COP1: variants seen among roughly 807,000 people sequenced by gnomAD.
The protein encoded by COP1 is E3 ubiquitin-protein ligase COP1.
COP1 carries 24 observed loss-of-function variants against 101.3 expected under a neutral mutation model. The ratio of observed to expected loss-of-function variants is 0.24; its 90% CI spans 0.17 to 0.33. COP1 has a LOEUF of 0.33. COP1 is among the 10% of genes least tolerant of loss of function. The probability of loss-of-function intolerance (pLI) is 1.00; values close to 1 mark genes in which losing one functional copy is unlikely to be tolerated. For synonymous variants in COP1, 347 were observed against 341.9 expected, an observed-to-expected ratio of 1.01 and a Z score of -0.17; for missense variants, 663 against 906.2, an observed-to-expected ratio of 0.73 and a Z score of 3.45.
At chr1:176,095,995 C>G (rs898671863) in intron 9 of COP1, among the ~76,000 whole-genome samples, 1 of 152,166 alleles carries the variant, frequency 6.6e-6, no homozygotes, top group African/African-American at 2.4e-5. Flanking sequence ...GAAGTATGCA[C>G]TGTACTTTAT....
chr1:176,132,622 TAC>T (rs1378168516), intron 8 of COP1, among the ~76,000 whole-genome samples: 3 of 78,856 alleles, frequency 3.8e-5, no homozygotes, highest in South Asian at 4.9e-4. Flanking sequence ...ATACTATATA[TAC>T]ACACATATAC....
intron 8 of COP1, among the ~76,000 whole-genome samples, chr1:176,119,241 A>G (rs1420854517): frequency 6.6e-6 from 1 of 152,190 alleles, no homozygotes; most frequent in Non-Finnish European, 1.5e-5. Flanking sequence ...TCTTCCTACT[A>G]ATGAAACTCA....
chr1:175,951,437 A>AATATATATATATATAT (rs765055146), intron 18 of COP1, among the ~76,000 whole-genome samples: 109 of 107,994 alleles, frequency 1.0e-3, no homozygotes, highest in African/African-American at 1.7e-3. Flanking sequence ...AAGATACGTG[A>AATATATATATATATAT]ATATATATAT....
intron 1 of COP1, among the ~76,000 whole-genome samples, chr1:176,201,670 ATCTATT>A (rs1700271254): frequency 6.6e-6 from 1 of 152,202 alleles, no homozygotes; most frequent in Non-Finnish European, 1.5e-5. Context: ...TTTCATGATC[ATCTATT>A]TTCTCTACCA....
chr1:175,945,588 C>CT (rs1290970652), intron 19 of COP1, among the ~76,000 whole-genome samples: 1 of 152,160 alleles, frequency 6.6e-6, no homozygotes, highest in Non-Finnish European at 1.5e-5. Context: ...GTTACAGGAC[C>CT]TAAAGTCTTG....
intron 15 of COP1, among the ~76,000 whole-genome samples, chr1:176,017,058 C>A (rs1214483317): frequency 6.6e-6 from 1 of 152,112 alleles, no homozygotes; most frequent in African/African-American, 2.4e-5. Context: ...AGAGACATTT[C>A]CACCATTGAT....
At chr1:176,132,225 A>G (rs772737911) in intron 8 of COP1, among the ~76,000 whole-genome samples, 1 of 151,814 alleles carries the variant, frequency 6.6e-6, no homozygotes, top group Non-Finnish European at 1.5e-5. Context: ...TTTAAAATCT[A>G]AATCAGATCC....
At chr1:175,948,149 T>C (rs1012302170) in intron 18 of COP1, among the ~76,000 whole-genome samples, 1 of 152,234 alleles carries the variant, frequency 6.6e-6, no homozygotes, top group Non-Finnish European at 1.5e-5. Context: ...TTTTCTATTC[T>C]AAGCCAAGGA....
At position 176,163,889 on chromosome 1, in the gene COP1, T is replaced by C. The variant is rs1694712865; in HGVS notation, c.568A>G (p.Asn190Asp). The part of the protein sequence containing the change: ...IDHLYPNFLV[N>D]ELILKQKQRF... ...TGCTTCTGTTTAAGAATGAGTTCAT[T>C]CACTGAAAACAGAAACAAAATAAAA... The change falls in exon 4 of 20, where the codon AAT (asparagine) becomes GAT (aspartate). Residue 190 changes from asparagine (N) to aspartate (D), a missense_variant and splice_region_variant. By Grantham distance (23) the Asn-to-Asp change is conservative. Around this residue, in one of 4 missense-constraint regions of COP1, gnomAD observed 38 missense variants for 78.5 expected, o/e 0.48. Transcript: ENST00000367669. 2 of 1,592,740 alleles carry C rather than the reference T, an allele frequency of 1.3e-6. No individual in the cohort carries two copies. Among genetic ancestry groups the C allele is most frequent in the African/African-American group, 2.7e-5 (2 of 74,160 alleles).
chr1:176,126,324 T>C (rs1246893906), intron 8 of COP1, among the ~76,000 whole-genome samples: 1 of 152,248 alleles, frequency 6.6e-6, no homozygotes, highest in Non-Finnish European at 1.5e-5. Context: ...TTTCACTTTT[T>C]CACCATTTAG....
At chr1:176,169,396 T>C (rs962717330) in intron 3 of COP1, among the ~76,000 whole-genome samples, 3 of 152,168 alleles carry the variant, frequency 2.0e-5, no homozygotes, top group African/African-American at 2.4e-5. Context: ...GACTTCTTAA[T>C]GCTTAAGAGG....
intron 5 of COP1, among the ~76,000 whole-genome samples, chr1:176,151,516 G>A (rs899904162): frequency 1.3e-5 from 2 of 152,232 alleles, no homozygotes; most frequent in Admixed American, 1.3e-4. Context: ...GTCTCAAGAG[G>A]GAGCGTATCT....
chr1:175,976,147 G>A (rs1338431512), intron 18 of COP1, among the ~76,000 whole-genome samples: 1 of 151,806 alleles, frequency 6.6e-6, no homozygotes, highest in Non-Finnish European at 1.5e-5. Flanking sequence ...GACTCTTATT[G>A]AACTCTGAAG....
intron 11 of COP1, among the ~76,000 whole-genome samples, chr1:176,066,757 A>ATT (rs751080736): frequency 1.3e-5 from 2 of 152,202 alleles, no homozygotes; most frequent in Non-Finnish European, 2.9e-5. Context: ...TCACCAAAAA[A>ATT]TGATAACTAG....
intron 18 of COP1, among the ~76,000 whole-genome samples, chr1:175,956,662 T>C (rs565613184): frequency 6.2e-4 from 94 of 152,208 alleles, no homozygotes; most frequent in Non-Finnish European, 1.3e-3. Context: ...AATATAGTCA[T>C]GCACTGCACA....
chr1:176,148,042 CAAAT>C (rs1416682426), intron 6 of COP1, among the ~76,000 whole-genome samples: 1 of 151,752 alleles, frequency 6.6e-6, no homozygotes, highest in East Asian at 1.9e-4. Flanking sequence ...GACATTTAAA[CAAAT>C]GAATGACTGG....
At chr1:175,951,462 A>ATATATATATATATATATATAT (rs1491471530) in intron 18 of COP1, among the ~76,000 whole-genome samples, 18 of 49,580 alleles carry the variant, frequency 3.6e-4, no homozygotes, top group African/African-American at 6.8e-4. Context: ...ATATATATAT[A>ATATATATATATATATATATAT]AAAACTTCCA....
intron 2 of COP1, among the ~76,000 whole-genome samples, chr1:176,184,282 T>C (rs1337103253): frequency 6.6e-6 from 1 of 152,054 alleles, no homozygotes; most frequent in African/African-American, 2.4e-5. Flanking sequence ...CCTGCTTCAC[T>C]GCGTTCTCCA....
At chr1:176,167,937 A>G (rs1342478030) in intron 3 of COP1, among the ~76,000 whole-genome samples, 1 of 151,158 alleles carries the variant, frequency 6.6e-6, no homozygotes, top group African/African-American at 2.4e-5. Context: ...GACAGTAGTA[A>G]GGACTTTTAT....
Sources: gnomAD v4.1 joint callset for allele counts (sites outside exome capture counted in the v4.1 genomes callset) on GRCh38, gnomAD v4.1.1 for gene constraint, gnomAD v4.1.1 regional missense constraint, MANE v1.5 for transcripts, NCBI Gene and HGNC (gene_info 2026-07-23, HGNC 2026-07-21) for gene names.